Variants in DGAT1 observed in about 807,000 individuals in gnomAD.
DGAT1 encodes ACAT related gene product 1.
DGAT1 carries 60 observed loss-of-function variants against 72.6 expected under a neutral mutation model. That is an observed-to-expected ratio of 0.83 (90% confidence interval 0.67 to 1.02). The LOEUF is 1.02. Among genes scored for constraint, DGAT1 ranks in the 50% least tolerant of loss-of-function variants. DGAT1 has a pLI of 0.00. For synonymous variants in DGAT1, 290 were observed against 267.5 expected (o/e 1.08, Z -0.82); for missense variants, 592 against 670.0 (o/e 0.88, Z 1.29).
Position 144,317,414 on chromosome 8 carries a change from A to T in DGAT1, c.1013T>A (p.Phe338Tyr). The T allele has an allele frequency of 1.9e-6, 3 of 1,613,800 alleles. No homozygotes were observed. Among genetic ancestry groups the T allele is most frequent in the Non-Finnish European group, 2.5e-6 (3 of 1,179,962 alleles). The part of the protein sequence containing the change: ...VPNHLIWLIF[F>Y]YWLFHSCLNA... The stretch of plus-strand genomic sequence containing the variant: ...CAGGCAGGAGTGGAAGAGCCAGTAG[A>T]AGAAGATGAGCCAGATGAGGTGATT... Residue 338 changes from phenylalanine to tyrosine, a missense_variant, in exon 13 of 17, where the codon TTC (phenylalanine) becomes TAC (tyrosine). Transcript: ENST00000528718.
At chr8:144,321,193 C>T (rs1457170295) in intron 2 of DGAT1, 128 bp downstream of exon 2, 9 of 882,176 alleles carry the variant, frequency 1.0e-5, no homozygotes, top group East Asian at 2.5e-5. Context: ...GCCTGCTCCA[C>T]ACACCCCAGC....
intron 3 of DGAT1, 45 bp from the exon 4 acceptor site, chr8:144,318,965 T>G: frequency 8.4e-7 from 1 of 1,191,006 alleles, no homozygotes; most frequent in East Asian, 4.6e-5. Context: ...CAGGTGGGGC[T>G]GTGGGGCGGG....
Position 144,316,874 on chromosome 8 carries a change from C to T in DGAT1, c.1290G>A (p.Ala430=), listed in dbSNP as rs1138519. The part of the protein sequence containing the change: ...SVPLRMFRLW[A]FTGMMAQIPL... ...TCACCTGAGCCATCATGCCCGTGAA[C>T]GCCCAGAGGCGGAACATTCGCAGAG... Residue 430 remains alanine (A), a synonymous_variant, in exon 16 of 17, where the codon GCG becomes GCA. Transcript: ENST00000528718. The T allele has an allele frequency of 1.6e-5, 25 of 1,611,184 alleles. No homozygotes were observed. Among genetic ancestry groups the T allele is most frequent in the African/African-American group, 4.0e-5 (3 of 74,922 alleles).
chr8:144,314,931 C>T lies in DGAT1; in HGVS notation c.*1623G>A, dbSNP rs1392757784. The T allele has an allele frequency of 2.4e-5, 24 of 986,024 alleles. No homozygotes were observed. Among genetic ancestry groups the T allele is most frequent in the Admixed American group, 6.1e-5 (1 of 16,370 alleles). The allele number at this position is 986,024 out of a possible 1,614,324, so 61.1% of individuals were successfully genotyped here. On this transcript the variant is annotated 3_prime_UTR_variant, in exon 17 of 17. Transcript: ENST00000528718. ...ACCAGGGGTGGGCGCCTCACCTTGGCCCTGGGGGTCTCTGGTTGTCACAGG... is the reference window on the plus strand; with the variant it reads ...ACCAGGGGTGGGCGCCTCACCTTGGTCCTGGGGGTCTCTGGTTGTCACAGG...
intron 16 of DGAT1, 40 bp downstream of exon 16, chr8:144,316,813 G>A: frequency 6.2e-7 from 1 of 1,600,444 alleles, no homozygotes; most frequent in Non-Finnish European, 8.5e-7. Context: ...CAGGTGCGGG[G>A]TAACTGGGCG....
chr8:144,315,013 GCA>G lies in DGAT1; in HGVS notation c.*1539_*1540del, dbSNP rs1412412588. On this transcript the variant is annotated 3_prime_UTR_variant, in exon 17 of 17. Transcript: ENST00000528718. ...CACTCGGACAGGTGATGCGGGGCGG[GCA>G]CACTGTCTTTCTGCCAGAGCCAGCA... is the stretch of plus-strand genomic sequence containing the variant. 4.1e-6 allele frequency: 4 copies of G among 985,550 alleles called. No homozygotes were observed. Among genetic ancestry groups the G allele is most frequent in the East Asian group, 1.1e-4 (1 of 8,832 alleles). The allele number at this position is 985,550 out of a possible 1,614,324, so 61.1% of individuals were successfully genotyped here. A position where few individuals can be genotyped will look rare whatever the true frequency, so the allele number is the denominator to read the frequency against.
rs1817206783 is a variant in DGAT1 at position 144,316,106 on chromosome 8, A to G, written c.*448T>C. On this transcript the variant is annotated 3_prime_UTR_variant, in exon 17 of 17. Transcript: ENST00000528718. Reference sequence around the variant, plus strand: ...TGAGCTGAGCTTTTCTAGGTAGGGGAGTGTGGGGAATGGGGGCGTCTGCCT... The same window carrying G: ...TGAGCTGAGCTTTTCTAGGTAGGGGGGTGTGGGGAATGGGGGCGTCTGCCT... The G allele has an allele frequency of 8.7e-6, 2 of 228,888 alleles. No individual in the cohort carries two copies. Among genetic ancestry groups the G allele is most frequent in the African/African-American group, 2.3e-5 (1 of 42,924 alleles). The allele number at this position is 228,888 out of a possible 1,614,324, so 14.2% of individuals were successfully genotyped here. A position where few individuals can be genotyped will look rare whatever the true frequency, so the allele number is the denominator to read the frequency against.
In DGAT1 at chr8:144,317,340, C is replaced by A. The variant is rs1554847271; in HGVS notation, c.1087G>T (p.Asp363Tyr). The A allele has an allele frequency of 1.9e-6, 3 of 1,613,726 alleles. No homozygotes were observed. The highest frequency in any genetic ancestry group is 2.5e-6 in the Non-Finnish European group (3 of 1,179,930). Residue 363 changes from aspartate to tyrosine, a missense_variant, in exon 13 of 17, where the codon GAC becomes TAC. By Grantham distance (160) the Asp-to-Tyr change is radical. Coordinates refer to ENST00000528718, the MANE Select transcript of DGAT1 (RefSeq NM_012079.6). ...CACCCCAGGGACACTCACCACCAGT[C>A]CCGGTAGAACTCCCGGTCTCCAAAC... The part of the protein sequence containing the change: ...MQFGDREFYR[D>Y]WWNSESVTYF...
intron 1 of DGAT1, among the ~76,000 whole-genome samples, chr8:144,325,836 C>T (rs1210071019): frequency 2.0e-5 from 3 of 152,198 alleles, no homozygotes; most frequent in African/African-American, 7.2e-5. Flanking sequence ...ATCGGCAGGG[C>T]TCCAGGCCAG....
chr8:144,317,564 C>G lies in DGAT1; in HGVS notation c.961G>C (p.Glu321Gln). 2 of 1,613,796 alleles carry G rather than the reference C, an allele frequency of 1.2e-6. No individual in the cohort carries two copies. Among genetic ancestry groups the G allele is most frequent in the Non-Finnish European group, 1.7e-6 (2 of 1,180,004 alleles). Residue 321 changes from glutamate to glutamine, a missense_variant, in exon 12 of 17, where the codon GAG (glutamate) becomes CAG (glutamine). Physicochemically the swap from Glu to Gln is conservative, Grantham distance 29. Coordinates refer to ENST00000528718, the MANE Select transcript of DGAT1 (RefSeq NM_012079.6). ...FKDMDYSRII[E>Q]RLLKLAVPNH... The stretch of plus-strand genomic sequence containing the variant: ...CTCACCGCCAGCTTCAGGAGGCGCT[C>G]GATGATGCGTGAGTAGTCCATGTCC...
At chr8:144,326,321 C>T in intron 1 of DGAT1, 116 bp downstream of exon 1, 1 of 1,020,428 alleles carries the variant, frequency 9.8e-7, no homozygotes. Context: ...ATAGGGCACA[C>T]CGATCCCCGC....
intron 1 of DGAT1, among the ~76,000 whole-genome samples, chr8:144,326,034 G>C (rs1212661394): frequency 6.6e-6 from 1 of 152,114 alleles, no homozygotes; most frequent in Admixed American, 6.5e-5. Context: ...CTACCCGCAA[G>C]GCACCGCTCA....
chr8:144,318,558 CAG>C lies in DGAT1; in HGVS notation c.475_476del (p.Leu159AspfsTer28), dbSNP rs1184423534. 6.2e-7 allele frequency: 1 copy of C among 1,612,018 alleles called. No homozygotes were observed. The highest frequency in any genetic ancestry group is 1.3e-5 in the African/African-American group (1 of 74,932). ...GCAGCAGCAGTCCCGCCTGCTCCGTCAGGGCACCCTGGAGTGGGGAGCAGAGC... is the reference window on the plus strand; with the variant it reads ...GCAGCAGCAGTCCCGCCTGCTCCGTCGGCACCCTGGAGTGGGGAGCAGAGC... Reference protein sequence around the residue: ...QVEKRLAVGALTEQAGLLLHV... With the variant: ...QVEKRLAVGAXTEQAGLLLHV... On this transcript the variant is annotated frameshift_variant, in exon 6 of 17. Transcript: ENST00000528718. LOFTEE classifies it high-confidence loss of function.
At position 144,326,483 on chromosome 8, in the gene DGAT1, T is replaced by C. The variant is rs1554848794; in HGVS notation, c.154A>G (p.Asn52Asp). 1 of 1,324,036 alleles carries C rather than the reference T, an allele frequency of 7.6e-7. No individual in the cohort carries two copies. The highest frequency in any genetic ancestry group is 9.7e-7 in the Non-Finnish European group (1 of 1,029,866). The allele number at this position is 1,324,036 out of a possible 1,614,324, so 82.0% of individuals were successfully genotyped here. Residue 52 changes from asparagine (N) to aspartate (D), a missense_variant, in exon 1 of 17, where the codon AAC (asparagine) becomes GAC (aspartate). Coordinates refer to ENST00000528718, the MANE Select transcript of DGAT1 (RefSeq NM_012079.6). ...CCCACGCCGGCGTCTCCGTCCTTGT[T>C]GGGGGCCGGGGCTGGCGCGTCCCCC... ...AAGDAPAPAP[N>D]KDGDAGVGSG...
At position 144,317,787 on chromosome 8, in the gene DGAT1, C is replaced by T. The variant is rs1817296864; in HGVS notation, c.891G>A (p.Gln297=). 2 of 1,612,944 alleles carry T rather than the reference C, an allele frequency of 1.2e-6. No homozygotes were observed. Among genetic ancestry groups the T allele is most frequent in the Admixed American group, 3.3e-5 (2 of 59,868 alleles). ...FFTQLQVGLI[Q]QWMVPTIQNS... ...AACCCTGCCCTACCCCACTTACCTG[C>T]TGGATCAGCCCCACCTGGAGCTGGG... is the stretch of plus-strand genomic sequence containing the variant. The change falls in exon 10 of 17, where the codon CAG becomes CAA. Residue 297 remains glutamine (Q), a synonymous_variant. Transcript: ENST00000528718.
intron 1 of DGAT1, among the ~76,000 whole-genome samples, chr8:144,323,372 C>T (rs1479559419): frequency 6.6e-6 from 1 of 152,140 alleles, no homozygotes; most frequent in Non-Finnish European, 1.5e-5. Context: ...TCAGGCCCTT[C>T]ACAGGCCTGA....
At chr8:144,321,797 A>G (rs781971419) in intron 1 of DGAT1, among the ~76,000 whole-genome samples, 5 of 152,238 alleles carry the variant, frequency 3.3e-5, no homozygotes, top group Non-Finnish European at 7.4e-5. Context: ...GGGATGGACC[A>G]GGGGGCACTG....
chr8:144,315,264 G>T lies in DGAT1; in HGVS notation c.*1290C>A. 1.0e-6 allele frequency: 1 copy of T among 985,512 alleles called. No homozygotes were observed. Among genetic ancestry groups the T allele is most frequent in the Non-Finnish European group, 1.2e-6 (1 of 829,966 alleles). The allele number at this position is 985,512 out of a possible 1,614,324, so 61.0% of individuals were successfully genotyped here. A position where few individuals can be genotyped will look rare whatever the true frequency, so the allele number is the denominator to read the frequency against. ...CGGCCCCACACCCATCCCCCCACCA[G>T]GAGCTCACCCACTACTGCCATCCTC... On this transcript the variant is annotated 3_prime_UTR_variant, in exon 17 of 17. Coordinates refer to ENST00000528718, the MANE Select transcript of DGAT1 (RefSeq NM_012079.6).
chr8:144,326,326 C>T, intron 1 of DGAT1, 111 bp downstream of exon 1: 1 of 1,043,128 alleles, frequency 9.6e-7, no homozygotes, highest in Non-Finnish European at 1.3e-6. Context: ...GCACACCGAT[C>T]CCCGCTTAGC....
Sources: allele counts gnomAD v4.1 joint callset (sites outside exome capture counted in the v4.1 genomes callset), GRCh38; gene constraint gnomAD v4.1.1; transcripts MANE v1.5; gene names NCBI Gene and HGNC (gene_info 2026-07-23, HGNC 2026-07-21).